The following LARGE1 variants were observed in gnomAD, a reference collection of about 807,000 sequenced individuals.
The protein encoded by LARGE1 is xylosyl- and glucuronyltransferase LARGE1.
Under a neutral mutation model 87.6 loss-of-function variants are expected in LARGE1, and 43 were observed. That is an observed-to-expected ratio of 0.49 (90% confidence interval 0.38 to 0.63). LARGE1 has a LOEUF of 0.63. Ranked by LOEUF, LARGE1 falls within the 30% of genes least tolerant of loss-of-function variation. The probability of loss-of-function intolerance (pLI) is 0.00; values close to 1 mark genes in which losing one functional copy is unlikely to be tolerated. For missense variants in LARGE1, 802 were observed against 1,000.2 expected, an observed-to-expected ratio of 0.80 and a Z score of 2.67; for synonymous variants, 434 against 394.6, an observed-to-expected ratio of 1.10 and a Z score of -1.18.
chr22:33,520,950 T>G (rs1244103075), intron 6 of LARGE1, among the ~76,000 whole-genome samples: 1 of 152,222 alleles, frequency 6.6e-6, no homozygotes, highest in Non-Finnish European at 1.5e-5. Context: ...TTTGATTGTG[T>G]TGTTTACATG....
At chr22:33,550,142 T>TACACACACACACAC (rs5845093) in intron 6 of LARGE1, among the ~76,000 whole-genome samples, 12 of 142,342 alleles carry the variant, frequency 8.4e-5, no homozygotes, top group South Asian at 4.8e-4. Flanking sequence ...ACTTAAAGTA[T>TACACACACACACAC]ACACACACAC....
chr22:33,601,116 T>A (rs116076866), intron 5 of LARGE1, among the ~76,000 whole-genome samples: 6,538 of 152,088 alleles, frequency 0.043, 473 homozygotes, highest in African/African-American at 0.15. Flanking sequence ...CTCAGAGCAG[T>A]AGGAAACCAG....
chr22:33,355,105 T>C (rs1255433490), intron 9 of LARGE1, among the ~76,000 whole-genome samples: 1 of 152,204 alleles, frequency 6.6e-6, no homozygotes, highest in Non-Finnish European at 1.5e-5. Flanking sequence ...TGACCCATAG[T>C]TTAAATTCCA....
chr22:33,749,635 C>G (rs1178929519), intron 2 of LARGE1, among the ~76,000 whole-genome samples: 1 of 152,198 alleles, frequency 6.6e-6, no homozygotes, highest in Non-Finnish European at 1.5e-5. Flanking sequence ...TAGATGACTC[C>G]TGATGTCCGT....
intron 9 of LARGE1, among the ~76,000 whole-genome samples, chr22:33,360,602 A>C (rs2064352707): frequency 1.3e-5 from 2 of 149,458 alleles, no homozygotes; most frequent in South Asian, 4.5e-4. Context: ...CATTCATGAG[A>C]AACCACCCCC....
Position 33,283,127 on chromosome 22 carries a change from G to A in LARGE1, c.1877+75C>T, listed in dbSNP as rs1230840674. The A allele has an allele frequency of 2.5e-6, 4 of 1,581,454 alleles. No homozygotes were observed. The East Asian group carries it at 6.7e-5, about 27-fold the overall frequency. On this transcript the variant is annotated intron_variant, in intron 13 of 14. Coordinates refer to ENST00000397394, the MANE Select transcript of LARGE1 (RefSeq NM_133642.5). ...CGAGCGACAAACTTCCAGATCGATA[G>A]CTTTGGCATCTGGGTTTCCCAGGAG...
At chr22:33,685,954 CA>C (rs1484266620) in intron 2 of LARGE1, among the ~76,000 whole-genome samples, 1 of 152,178 alleles carries the variant, frequency 6.6e-6, no homozygotes, top group Non-Finnish European at 1.5e-5. Flanking sequence ...ACATGCAGAG[CA>C]ATTAATTAGC....
chr22:33,709,547 T>A (rs531171994), intron 2 of LARGE1, among the ~76,000 whole-genome samples: 1 of 152,186 alleles, frequency 6.6e-6, no homozygotes, highest in South Asian at 2.1e-4. Flanking sequence ...GCTTCCTTCA[T>A]AACTCATTCT....
chr22:33,287,416 T>C (rs1931748193), intron 12 of LARGE1, among the ~76,000 whole-genome samples: 1 of 152,184 alleles, frequency 6.6e-6, no homozygotes, highest in Admixed American at 6.5e-5. Context: ...CTCACTAAAA[T>C]ACAAACTGCC....
At chr22:33,850,191 C>T (rs942330782) in intron 1 of LARGE1, among the ~76,000 whole-genome samples, 8 of 152,294 alleles carry the variant, frequency 5.3e-5, no homozygotes, top group Admixed American at 2.0e-4. Flanking sequence ...CAGAAGATCT[C>T]GGGCCACACC....
At chr22:33,423,008 A>ATTT (rs397722052) in intron 7 of LARGE1, among the ~76,000 whole-genome samples, 1 of 147,074 alleles carries the variant, frequency 6.8e-6, no homozygotes, top group Non-Finnish European at 1.5e-5. Flanking sequence ...TTTTAAAACC[A>ATTT]TTTTTTTTTT....
chr22:33,073,892 G>A, the LARGE1 span, among the ~76,000 whole-genome samples: 809 of 152,228 alleles, frequency 5.3e-3, 7 homozygotes, highest in African/African-American at 0.019. Flanking sequence ...TGCAGACAGC[G>A]ACTGTAAGTA....
chr22:33,421,673 T>C (rs1452877659), intron 7 of LARGE1, among the ~76,000 whole-genome samples: 1 of 152,180 alleles, frequency 6.6e-6, no homozygotes, highest in Non-Finnish European at 1.5e-5. Context: ...TTCAGAACAA[T>C]CCTTTCTATG....
At chr22:33,853,654 C>T (rs953226188) in intron 1 of LARGE1, among the ~76,000 whole-genome samples, 1 of 152,162 alleles carries the variant, frequency 6.6e-6, no homozygotes, top group Admixed American at 6.5e-5. Context: ...AATAAGTATG[C>T]CCACATATGC....
chr22:33,806,294 T>TACTGAA (rs1390079928), intron 1 of LARGE1, among the ~76,000 whole-genome samples: 1 of 152,182 alleles, frequency 6.6e-6, no homozygotes, highest in Non-Finnish European at 1.5e-5. Flanking sequence ...GAGCATCAGA[T>TACTGAA]ACCGAAACCA....
intron 1 of LARGE1, among the ~76,000 whole-genome samples, chr22:33,914,262 C>T (rs1281535235): frequency 6.6e-6 from 1 of 152,156 alleles, no homozygotes; most frequent in Admixed American, 6.5e-5. Context: ...TGTGTATCTA[C>T]CCAATTGCTC....
chr22:33,101,534 C>T, the LARGE1 span, among the ~76,000 whole-genome samples: 6 of 152,202 alleles, frequency 3.9e-5, no homozygotes, highest in African/African-American at 9.6e-5. Context: ...GATCAAGACA[C>T]AGTTCCTGAC....
chr22:33,220,494 G>A (rs1407579595), intron 11 of LARGE1, among the ~76,000 whole-genome samples: 1 of 152,060 alleles, frequency 6.6e-6, no homozygotes, highest in Non-Finnish European at 1.5e-5. Flanking sequence ...AAAAGAACAG[G>A]GTGGAGTGAA....
intron 2 of LARGE1, among the ~76,000 whole-genome samples, chr22:33,658,895 A>C (rs2081046238): frequency 6.6e-6 from 1 of 152,208 alleles, no homozygotes; most frequent in Non-Finnish European, 1.5e-5. Context: ...CTAGATTCAA[A>C]GGAAGTCTTA....
Sources: allele counts gnomAD v4.1 joint callset (sites outside exome capture counted in the v4.1 genomes callset), GRCh38; gene constraint gnomAD v4.1.1; transcripts MANE v1.5; gene names NCBI Gene and HGNC (gene_info 2026-07-23, HGNC 2026-07-21).